RPS6KC1: variants seen among roughly 807,000 people sequenced by gnomAD.
RPS6KC1 encodes the protein ribosomal protein S6 kinase C1.
Under a neutral mutation model 103.8 loss-of-function variants are expected in RPS6KC1, and 54 were observed. The observed-to-expected ratio is 0.52, with a 90% CI of 0.42 to 0.65. The LOEUF (loss-of-function observed/expected upper bound fraction) is 0.65, where lower values mean the gene tolerates loss of function less well. RPS6KC1 is among the 30% of genes least tolerant of loss of function. The probability of loss-of-function intolerance (pLI) is 0.00; values close to 1 mark genes in which losing one functional copy is unlikely to be tolerated. For synonymous variants in RPS6KC1, 439 were observed against 438.7 expected, an observed-to-expected ratio of 1.00 and a Z score of -0.01; for missense variants, 1,151 against 1,253.8, an observed-to-expected ratio of 0.92 and a Z score of 1.24.
chr1:213,557,511 C>A, the RPS6KC1 span, among the ~76,000 whole-genome samples: 1 of 152,134 alleles, frequency 6.6e-6, no homozygotes, highest in African/African-American at 2.4e-5. Flanking sequence ...AACTCCACAC[C>A]TCCATGTCCA....
At chr1:213,716,830 A>T in the RPS6KC1 span, among the ~76,000 whole-genome samples, 1 of 152,226 alleles carries the variant, frequency 6.6e-6, no homozygotes, top group African/African-American at 2.4e-5. Flanking sequence ...GATGCTTATT[A>T]AACGTCTGGC....
the RPS6KC1 span, among the ~76,000 whole-genome samples, chr1:213,372,267 C>T: frequency 6.6e-6 from 1 of 152,130 alleles, no homozygotes; most frequent in Non-Finnish European, 1.5e-5. Flanking sequence ...TAACAGGGCA[C>T]CTGAAAATGG....
At chr1:213,331,002 G>A in the RPS6KC1 span, among the ~76,000 whole-genome samples, 437 of 152,262 alleles carry the variant, frequency 2.9e-3, 6 homozygotes, top group African/African-American at 0.01. Context: ...GTGCATGGAA[G>A]AAGGAAGAGA....
At chr1:213,527,519 A>G in the RPS6KC1 span, among the ~76,000 whole-genome samples, 2 of 152,098 alleles carry the variant, frequency 1.3e-5, no homozygotes, top group African/African-American at 4.8e-5. Flanking sequence ...CAGTCCTACA[A>G]CCATTGGGTG....
the RPS6KC1 span, among the ~76,000 whole-genome samples, chr1:213,692,421 C>T: frequency 4.6e-5 from 7 of 151,412 alleles, no homozygotes; most frequent in African/African-American, 1.7e-4. Flanking sequence ...AGTTTTAGAG[C>T]AGGAATGAAA....
chr1:213,117,019 G>A (rs568777396), intron 4 of RPS6KC1, among the ~76,000 whole-genome samples: 2 of 152,112 alleles, frequency 1.3e-5, no homozygotes, highest in South Asian at 4.2e-4. Flanking sequence ...TCTATTTCTA[G>A]GGCAGTTTAG....
At chr1:213,321,345 C>T in the RPS6KC1 span, among the ~76,000 whole-genome samples, 3 of 152,138 alleles carry the variant, frequency 2.0e-5, no homozygotes, top group South Asian at 2.1e-4. Flanking sequence ...TTGAGGTGTT[C>T]CCTTGAGGAT....
the RPS6KC1 span, among the ~76,000 whole-genome samples, chr1:213,660,442 C>T: frequency 1.3e-5 from 2 of 152,122 alleles, no homozygotes; most frequent in Non-Finnish European, 2.9e-5. Context: ...TGGGCGGAGC[C>T]CTAAGATCTC....
chr1:213,087,127 A>G (rs1196694012), intron 3 of RPS6KC1, among the ~76,000 whole-genome samples: 1 of 152,130 alleles, frequency 6.6e-6, no homozygotes, highest in African/African-American at 2.4e-5. Flanking sequence ...TACAGATGAA[A>G]TGGACTTATA....
intron 4 of RPS6KC1, among the ~76,000 whole-genome samples, chr1:213,109,160 G>A (rs987518105): frequency 1.3e-5 from 2 of 151,654 alleles, no homozygotes; most frequent in Non-Finnish European, 2.9e-5. Context: ...TTTTTGAGAC[G>A]GGGTCTCGCT....
the RPS6KC1 span, among the ~76,000 whole-genome samples, chr1:213,551,513 C>T: frequency 1.3e-5 from 2 of 152,170 alleles, no homozygotes; most frequent in South Asian, 2.1e-4. Flanking sequence ...CTGTGTTCTA[C>T]ACTTCTTAAG....
At chr1:213,059,946 C>T (rs1229662161) in intron 1 of RPS6KC1, among the ~76,000 whole-genome samples, 1 of 152,144 alleles carries the variant, frequency 6.6e-6, no homozygotes, top group Non-Finnish European at 1.5e-5. Context: ...GCTGGGATTA[C>T]AGGCGTGAGC....
intron 12 of RPS6KC1, among the ~76,000 whole-genome samples, chr1:213,250,697 A>G (rs1181092030): frequency 6.6e-6 from 1 of 152,202 alleles, no homozygotes; most frequent in Non-Finnish European, 1.5e-5. Context: ...TTAAACTTTG[A>G]TGTTTTAGTT....
the RPS6KC1 span, among the ~76,000 whole-genome samples, chr1:213,729,600 A>C: frequency 6.6e-6 from 1 of 152,118 alleles, no homozygotes; most frequent in Non-Finnish European, 1.5e-5. Flanking sequence ...AAATCAGTCC[A>C]TTCATAGAAT....
At chr1:213,070,183 AGATT>A (rs2078739301) in intron 1 of RPS6KC1, among the ~76,000 whole-genome samples, 1 of 152,202 alleles carries the variant, frequency 6.6e-6, no homozygotes, top group Non-Finnish European at 1.5e-5. Context: ...TGCTAATTGT[AGATT>A]CATATACAGT....
the RPS6KC1 span, among the ~76,000 whole-genome samples, chr1:213,465,599 G>A: frequency 2.0e-5 from 3 of 152,052 alleles, no homozygotes; most frequent in Non-Finnish European, 4.4e-5. Context: ...TAAAAAACTC[G>A]TTCATTGAGT....
chr1:213,517,649 C>G, the RPS6KC1 span, among the ~76,000 whole-genome samples: 3 of 151,258 alleles, frequency 2.0e-5, no homozygotes, highest in African/African-American at 7.3e-5. Flanking sequence ...TTACTTCCAA[C>G]TATGTGGTCA....
the RPS6KC1 span, among the ~76,000 whole-genome samples, chr1:213,800,067 C>T: frequency 6.6e-6 from 1 of 152,182 alleles, no homozygotes; most frequent in African/African-American, 2.4e-5. Flanking sequence ...GCTCCATCCT[C>T]ATGACCTCCT....
the RPS6KC1 span, among the ~76,000 whole-genome samples, chr1:213,319,333 G>T: frequency 2.6e-5 from 2 of 77,524 alleles, no homozygotes; most frequent in Admixed American, 2.5e-4. Flanking sequence ...AAAAAAAAAA[G>T]CTAGCAAGGT....
Sources: allele counts gnomAD v4.1 joint callset (sites outside exome capture counted in the v4.1 genomes callset), GRCh38; gene constraint gnomAD v4.1.1; transcripts MANE v1.5; gene names NCBI Gene and HGNC (gene_info 2026-07-23, HGNC 2026-07-21).